Variants in PHF24 observed in about 807,000 individuals in gnomAD.
The protein encoded by PHF24 is PHD finger protein 24.
Under a neutral mutation model 42.6 loss-of-function variants are expected in PHF24, and 25 were observed. That is an observed-to-expected ratio of 0.59 (90% CI 0.43 to 0.82). PHF24 has a LOEUF of 0.82. Ranked by LOEUF, PHF24 falls within the 40% of genes least tolerant of loss-of-function variation. The probability of loss-of-function intolerance (pLI) is 0.00; values close to 1 mark genes in which losing one functional copy is unlikely to be tolerated. For missense variants in PHF24, 470 were observed against 538.1 expected (o/e 0.87, Z 1.25); for synonymous variants, 185 against 204.8 (o/e 0.90, Z 0.83).
At chr9:34,723,888 G>A in the PHF24 span, 2 of 1,551,714 alleles carry the variant, frequency 1.3e-6, no homozygotes, top group South Asian at 2.4e-5. Flanking sequence ...AGCTTAAGCT[G>A]AGGGTGATGC....
chr9:34,848,355 C>T, the PHF24 span, among the ~76,000 whole-genome samples: 1 of 151,438 alleles, frequency 6.6e-6, no homozygotes, highest in Non-Finnish European at 1.5e-5. Context: ...AGGAATTTAT[C>T]CATTTCTTCT....
chr9:34,969,854 TCTC>T (rs1370979392), intron 1 of PHF24, among the ~76,000 whole-genome samples: 2 of 152,088 alleles, frequency 1.3e-5, no homozygotes, highest in Non-Finnish European at 2.9e-5. Context: ...TGGCCTTACT[TCTC>T]CTCCTACCCG....
the PHF24 span, among the ~76,000 whole-genome samples, chr9:34,756,817 TA>T: frequency 6.6e-6 from 1 of 152,074 alleles, no homozygotes; most frequent in Non-Finnish European, 1.5e-5. Flanking sequence ...ATGGTCATTT[TA>T]AGAATATTAA....
At chr9:34,727,145 C>A in the PHF24 span, among the ~76,000 whole-genome samples, 1 of 152,188 alleles carries the variant, frequency 6.6e-6, no homozygotes. Context: ...TAAGAAAATG[C>A]CATTTGGCAA....
the PHF24 span, among the ~76,000 whole-genome samples, chr9:34,811,048 T>G: frequency 3.3e-5 from 5 of 152,342 alleles, no homozygotes; most frequent in East Asian, 7.7e-4. Flanking sequence ...TGAGCACCAG[T>G]GTGCTAGGCA....
chr9:34,890,206 G>A, the PHF24 span, among the ~76,000 whole-genome samples: 1 of 152,176 alleles, frequency 6.6e-6, no homozygotes, highest in African/African-American at 2.4e-5. Flanking sequence ...GCCCCTACTC[G>A]CCCCTGAACC....
At chr9:34,913,827 G>A in the PHF24 span, among the ~76,000 whole-genome samples, 1 of 152,242 alleles carries the variant, frequency 6.6e-6, no homozygotes, top group South Asian at 2.1e-4. Context: ...GCTGTGCCTG[G>A]TCCAGGTGAG....
At chr9:34,720,827 TATC>T in the PHF24 span, among the ~76,000 whole-genome samples, 23 of 152,298 alleles carry the variant, frequency 1.5e-4, no homozygotes, top group African/African-American at 5.3e-4. Context: ...GCTGCACAGA[TATC>T]AGCAGCAGCT....
At chr9:34,814,104 G>T in the PHF24 span, among the ~76,000 whole-genome samples, 1 of 152,010 alleles carries the variant, frequency 6.6e-6, no homozygotes, top group Non-Finnish European at 1.5e-5. Context: ...TCCTTAATAA[G>T]GAAACAGGAA....
At chr9:34,836,500 TG>T in the PHF24 span, among the ~76,000 whole-genome samples, 1 of 152,216 alleles carries the variant, frequency 6.6e-6, no homozygotes, top group Non-Finnish European at 1.5e-5. Context: ...GAGGTTTATG[TG>T]GTACTTATGC....
chr9:34,719,382 G>T, the PHF24 span, among the ~76,000 whole-genome samples: 4 of 152,178 alleles, frequency 2.6e-5, no homozygotes, highest in African/African-American at 7.2e-5. Context: ...TGTGAATTTT[G>T]CTTCTTGCCT....
chr9:34,950,704 C>T, the PHF24 span, among the ~76,000 whole-genome samples: 9 of 151,962 alleles, frequency 5.9e-5, no homozygotes, highest in African/African-American at 2.2e-4. Flanking sequence ...AATTATATTT[C>T]GATTTTAAAA....
chr9:34,698,622 G>A, the PHF24 span, among the ~76,000 whole-genome samples: 15 of 152,156 alleles, frequency 9.9e-5, no homozygotes, highest in African/African-American at 2.4e-4. Context: ...CTAGGACTGC[G>A]GGCATGCACC....
At chr9:34,974,140 A>G (rs1352288481) in intron 3 of PHF24, among the ~76,000 whole-genome samples, 1 of 152,326 alleles carries the variant, frequency 6.6e-6, no homozygotes, top group South Asian at 2.1e-4. Flanking sequence ...AGTAGCTGGG[A>G]CTACAGGCAC....
the PHF24 span, among the ~76,000 whole-genome samples, chr9:34,893,910 C>G: frequency 6.6e-6 from 1 of 152,178 alleles, no homozygotes; most frequent in Non-Finnish European, 1.5e-5. Context: ...ATTCTGAGAG[C>G]TATTTGGTAT....
chr9:34,907,538 C>T, the PHF24 span, among the ~76,000 whole-genome samples: 11 of 152,132 alleles, frequency 7.2e-5, no homozygotes, highest in East Asian at 1.9e-4. Flanking sequence ...GCTCTGAAGA[C>T]GAAGTGTGGT....
the PHF24 span, among the ~76,000 whole-genome samples, chr9:34,923,566 A>G: frequency 6.6e-6 from 1 of 152,118 alleles, no homozygotes; most frequent in Admixed American, 6.5e-5. Context: ...GGTTGTATGT[A>G]TGTAGGAATT....
chr9:34,783,296 A>G, the PHF24 span, among the ~76,000 whole-genome samples: 3 of 152,202 alleles, frequency 2.0e-5, no homozygotes, highest in Non-Finnish European at 4.4e-5. Context: ...AAAGGGCCCG[A>G]TAACTTATTA....
At chr9:34,881,784 C>T in the PHF24 span, among the ~76,000 whole-genome samples, 5 of 152,262 alleles carry the variant, frequency 3.3e-5, no homozygotes, top group Non-Finnish European at 5.9e-5. Context: ...ACCAGAGGTA[C>T]AAAGAGGAGC....
Sources: allele counts gnomAD v4.1 joint callset (sites outside exome capture counted in the v4.1 genomes callset), GRCh38; gene constraint gnomAD v4.1.1; transcripts MANE v1.5; gene names NCBI Gene and HGNC (gene_info 2026-07-23, HGNC 2026-07-21).